Variants in ACTL8 observed in about 807,000 individuals in gnomAD.
ACTL8 encodes the protein actin like 8, also known as actin-like protein 8.
In ACTL8, 3 loss-of-function variants were observed where a neutral mutation model predicts 9.3. The ratio of observed to expected loss-of-function variants is 0.32; its 90% CI spans 0.15 to 0.83. The LOEUF is 0.83. Among genes scored for constraint, ACTL8 ranks in the 40% least tolerant of loss-of-function variants. The pLI, the probability that ACTL8 is intolerant of heterozygous loss-of-function variation, is 0.57. For synonymous variants in ACTL8, 224 were observed against 205.9 expected, an observed-to-expected ratio of 1.09 and a Z score of -0.75; for missense variants, 381 against 492.2, an observed-to-expected ratio of 0.77 and a Z score of 2.14.
At chr1:17,805,993 A>G (rs143100925) in intron 1 of ACTL8, among the ~76,000 whole-genome samples, 1 of 152,298 alleles carries the variant, frequency 6.6e-6, no homozygotes, top group Non-Finnish European at 1.5e-5. Flanking sequence ...TGTCCTGGAC[A>G]TTGGTGTATC....
At chr1:17,796,850 T>C (rs2102690436) in intron 1 of ACTL8, among the ~76,000 whole-genome samples, 1 of 152,318 alleles carries the variant, frequency 6.6e-6, no homozygotes, top group Non-Finnish European at 1.5e-5. Context: ...AGTGTTAACT[T>C]CTAAGCTGGG....
At chr1:17,796,753 C>T (rs1175061162) in intron 1 of ACTL8, among the ~76,000 whole-genome samples, 3 of 152,212 alleles carry the variant, frequency 2.0e-5, no homozygotes, top group Admixed American at 6.5e-5. Flanking sequence ...TCTAGTCTTC[C>T]GACCTCTTCA....
intron 1 of ACTL8, among the ~76,000 whole-genome samples, chr1:17,785,470 G>A (rs763600743): frequency 9.2e-5 from 14 of 152,208 alleles, no homozygotes; most frequent in African/African-American, 2.2e-4. Context: ...ATAAGAGGAC[G>A]CACCTAATAG....
At chr1:17,775,221 C>T (rs998632006) in intron 1 of ACTL8, among the ~76,000 whole-genome samples, 4 of 152,086 alleles carry the variant, frequency 2.6e-5, no homozygotes, top group Non-Finnish European at 5.9e-5. Context: ...AATTAGAGAC[C>T]GAGGGCTGAT....
At chr1:17,798,361 C>G (rs2066293743) in intron 1 of ACTL8, among the ~76,000 whole-genome samples, 1 of 152,024 alleles carries the variant, frequency 6.6e-6, no homozygotes, top group African/African-American at 2.4e-5. Context: ...GGGGAGGGGC[C>G]AGGAGGGCAG....
chr1:17,756,468 C>T (rs893054563), intron 1 of ACTL8, among the ~76,000 whole-genome samples: 8 of 152,184 alleles, frequency 5.3e-5, no homozygotes, highest in Non-Finnish European at 1.2e-4. Flanking sequence ...GTTGTGGTTG[C>T]TCCTTGCGTC....
intron 1 of ACTL8, among the ~76,000 whole-genome samples, chr1:17,799,785 C>T (rs2066306970): frequency 6.6e-6 from 1 of 152,310 alleles, no homozygotes; most frequent in Non-Finnish European, 1.5e-5. Flanking sequence ...CTGATAAGCA[C>T]ACAACCTCGT....
At chr1:17,757,676 G>T (rs1245221462) in intron 1 of ACTL8, among the ~76,000 whole-genome samples, 1 of 152,118 alleles carries the variant, frequency 6.6e-6, no homozygotes, top group Non-Finnish European at 1.5e-5. Flanking sequence ...CACGGTGGCG[G>T]GTATACACAG....
chr1:17,797,089 TA>T (rs1332997027), intron 1 of ACTL8, among the ~76,000 whole-genome samples: 3 of 151,964 alleles, frequency 2.0e-5, no homozygotes, highest in Non-Finnish European at 4.4e-5. Flanking sequence ...CACCTGCTAC[TA>T]AGAAGCTCTT....
At chr1:17,806,246 G>A (rs984185536) in intron 1 of ACTL8, among the ~76,000 whole-genome samples, 1 of 152,174 alleles carries the variant, frequency 6.6e-6, no homozygotes, top group Non-Finnish European at 1.5e-5. Flanking sequence ...GGGGGTTTCT[G>A]AATGCCAAGA....
At chr1:17,804,618 T>C (rs1336292852) in intron 1 of ACTL8, among the ~76,000 whole-genome samples, 11 of 151,958 alleles carry the variant, frequency 7.2e-5, no homozygotes, top group Non-Finnish European at 1.3e-4. Context: ...TTTTTTTTTT[T>C]TCTTTTGAAA....
intron 1 of ACTL8, among the ~76,000 whole-genome samples, chr1:17,791,185 G>T (rs1242132320): frequency 6.6e-6 from 1 of 152,138 alleles, no homozygotes; most frequent in African/African-American, 2.4e-5. Context: ...CGGCACCCAG[G>T]GATCTCCTGC....
chr1:17,795,604 A>G (rs2066271182), intron 1 of ACTL8, among the ~76,000 whole-genome samples: 1 of 152,214 alleles, frequency 6.6e-6, no homozygotes, highest in Non-Finnish European at 1.5e-5. Flanking sequence ...GAAACGTTGC[A>G]GCACACACCA....
intron 1 of ACTL8, among the ~76,000 whole-genome samples, chr1:17,814,507 G>A (rs868530224): frequency 8.6e-5 from 13 of 151,730 alleles, no homozygotes; most frequent in South Asian, 6.2e-4. Context: ...CGCCATACCC[G>A]TTTGTAGCAT....
chr1:17,793,093 C>G (rs1441063210), intron 1 of ACTL8, among the ~76,000 whole-genome samples: 1 of 152,238 alleles, frequency 6.6e-6, no homozygotes, highest in East Asian at 1.9e-4. Context: ...CTTTCTTGCA[C>G]TGTCGAGGGG....
intron 1 of ACTL8, among the ~76,000 whole-genome samples, chr1:17,794,957 G>A (rs2066266589): frequency 6.6e-6 from 1 of 152,202 alleles, no homozygotes; most frequent in Non-Finnish European, 1.5e-5. Flanking sequence ...TCTGCAGAAG[G>A]AGGAATGCTT....
intron 1 of ACTL8, among the ~76,000 whole-genome samples, chr1:17,764,789 G>T (rs567159598): frequency 6.6e-6 from 1 of 152,338 alleles, no homozygotes; most frequent in Non-Finnish European, 1.5e-5. Context: ...CTCCCCGGGG[G>T]AGTTCACGCA....
At chr1:17,787,335 G>A (rs1398247686) in intron 1 of ACTL8, among the ~76,000 whole-genome samples, 1 of 152,054 alleles carries the variant, frequency 6.6e-6, no homozygotes, top group East Asian at 1.9e-4. Context: ...AGTTATCTTG[G>A]TTCACTGCAG....
rs1261717748 is a variant in ACTL8, at chr1:17,827,038, CAAAT to C, written c.*525_*528del. The C allele has an allele frequency of 6.6e-6, 1 of 152,500 alleles. No homozygotes were observed. Among genetic ancestry groups the C allele is most frequent in the East Asian group, 1.9e-4 (1 of 5,198 alleles). The allele number at this position is 152,500 out of a possible 1,614,324, so 9.4% of individuals were successfully genotyped here. A position where few individuals can be genotyped will look rare whatever the true frequency, so the allele number is the denominator to read the frequency against. On this transcript the variant is annotated 3_prime_UTR_variant, in exon 3 of 3. Transcript: ENST00000375406. ...GTGGTTGGATCTTGTTTTATATCTG[CAAAT>C]AAATAGCTTGTTTGGAAGCAATGCT... is the stretch of plus-strand genomic sequence containing the variant.
Sources: allele counts gnomAD v4.1 joint callset (sites outside exome capture counted in the v4.1 genomes callset), GRCh38; gene constraint gnomAD v4.1.1; transcripts MANE v1.5; gene names NCBI Gene and HGNC (gene_info 2026-07-23, HGNC 2026-07-21).